TRAPPC8: variants seen among roughly 807,000 people sequenced by gnomAD.
TRAPPC8 encodes trafficking protein particle complex subunit 8, also known as general sporulation gene 1 homolog.
TRAPPC8 carries 54 observed loss-of-function variants against 174.3 expected under a neutral mutation model. The ratio of observed to expected loss-of-function variants is 0.31; its 90% CI spans 0.25 to 0.39. The LOEUF is 0.39. Among genes scored for constraint, TRAPPC8 ranks in the 10% least tolerant of loss-of-function variants. The pLI, the probability that TRAPPC8 is intolerant of heterozygous loss-of-function variation, is 1.00. For synonymous variants in TRAPPC8, 630 were observed against 579.9 expected (o/e 1.09, Z -1.24); for missense variants, 1,531 against 1,699.1 (o/e 0.90, Z 1.74).
intron 6 of TRAPPC8, chr18:31,909,428 C>T (rs2036813075): frequency 7.8e-6 from 3 of 384,926 alleles, no homozygotes; most frequent in Non-Finnish European, 7.1e-6. Flanking sequence ...CACATCTTCC[C>T]TTGCTTTCTA....
chr18:31,912,216 C>G (rs927601223), intron 5 of TRAPPC8, among the ~76,000 whole-genome samples: 1 of 152,164 alleles, frequency 6.6e-6, no homozygotes, highest in Non-Finnish European at 1.5e-5. Context: ...AGAGGCTGGG[C>G]ATGATGGCTC....
rs147316680 is a variant in TRAPPC8 at position 31,853,913 on chromosome 18, C to A, written c.3369G>T (p.Val1123=). 292 of 1,611,054 alleles carry A rather than the reference C, an allele frequency of 1.8e-4. 2 individuals are homozygous for A. In the East Asian group the frequency reaches 6.5e-3, roughly 36 times the overall value. The change falls in exon 22 of 29, where the codon GTG becomes GTT. Residue 1123 remains valine (V), a synonymous_variant. Transcript: ENST00000283351. ...SEAGVKEFHI[V]QVSSSSKHWK... ...AGTGTTTGCTACTACTTGATACTTGCACTATGTGGAATTCCTTAACGCCTG... is the reference window on the plus strand; with the variant it reads ...AGTGTTTGCTACTACTTGATACTTGAACTATGTGGAATTCCTTAACGCCTG...
rs1185517942 is a variant in TRAPPC8 at position 31,916,524 on chromosome 18, T to A, written c.443-78A>T. 5.9e-6 allele frequency: 8 copies of A among 1,353,996 alleles called. No individual in the cohort carries two copies. In the African/African-American group the frequency reaches 1.1e-4, roughly 18 times the overall value. The allele number at this position is 1,353,996 out of a possible 1,614,324, so 83.9% of individuals were successfully genotyped here. A position where few individuals can be genotyped will look rare whatever the true frequency, so the allele number is the denominator to read the frequency against. ...TTGTCCTACTGAGATAAACAGGAGG[T>A]TTTTGTTTGTTTGTTTGTTTGTTTC... On this transcript the variant is annotated intron_variant, in intron 3 of 28. Transcript: ENST00000283351.
At chr18:31,927,028 G>A (rs2037645488) in intron 2 of TRAPPC8, among the ~76,000 whole-genome samples, 1 of 152,146 alleles carries the variant, frequency 6.6e-6, no homozygotes, top group Non-Finnish European at 1.5e-5. Context: ...TACAGAAATT[G>A]GTGGGGCAAG....
At chr18:31,878,050 C>T (rs1347907853) in intron 12 of TRAPPC8, among the ~76,000 whole-genome samples, 2 of 152,112 alleles carry the variant, frequency 1.3e-5, no homozygotes, top group Admixed American at 1.3e-4. Flanking sequence ...GCTGTTTACT[C>T]TGTACTAGAG....
chr18:31,923,162 G>C (rs139421420), intron 2 of TRAPPC8, among the ~76,000 whole-genome samples: 131 of 152,212 alleles, frequency 8.6e-4, no homozygotes, highest in African/African-American at 3.0e-3. Flanking sequence ...AATGCTGTAA[G>C]AGTAAACAGG....
intron 12 of TRAPPC8, among the ~76,000 whole-genome samples, chr18:31,876,489 C>CAGAAAA (rs2035152794): frequency 4.1e-5 from 2 of 48,722 alleles, no homozygotes; most frequent in African/African-American, 1.9e-4. Context: ...GACTCCATCT[C>CAGAAAA]AAAAAAAAAA....
intron 4 of TRAPPC8, among the ~76,000 whole-genome samples, chr18:31,913,922 T>A (rs2037023919): frequency 6.6e-6 from 1 of 151,958 alleles, no homozygotes. Flanking sequence ...TCCCAGCACT[T>A]TGGAAGGCCA....
At chr18:31,864,510 T>C in intron 19 of TRAPPC8, 117 bp downstream of exon 19, 1 of 953,330 alleles carries the variant, frequency 1.0e-6, no homozygotes, top group East Asian at 2.9e-5. Flanking sequence ...AGCTTAATAA[T>C]AATTTAAAAG....
At chr18:31,923,700 T>TA (rs887845491) in intron 2 of TRAPPC8, among the ~76,000 whole-genome samples, 2 of 145,314 alleles carry the variant, frequency 1.4e-5, no homozygotes, top group African/African-American at 5.1e-5. Context: ...ATGGCCAACA[T>TA]AAAAATAAAG....
intron 9 of TRAPPC8, 92 bp downstream of exon 9, chr18:31,907,368 T>G: frequency 7.7e-7 from 1 of 1,292,734 alleles, no homozygotes; most frequent in Non-Finnish European, 1.1e-6. Flanking sequence ...GAGTACAACT[T>G]TATCCCTAAG....
At position 31,907,688 on chromosome 18, in the gene TRAPPC8, C is replaced by A. The variant is rs749509608; in HGVS notation, c.1239-78G>T. On this transcript the variant is annotated intron_variant, in intron 8 of 28. Coordinates refer to ENST00000283351, the MANE Select transcript of TRAPPC8 (RefSeq NM_014939.5). Reference sequence around the variant, plus strand: ...AATTATAAAATACATTAACAAGCTGCCATGTTCTTCTAGAATATGAAGAAA... The same window carrying A: ...AATTATAAAATACATTAACAAGCTGACATGTTCTTCTAGAATATGAAGAAA... The A allele has an allele frequency of 2.8e-4, 342 of 1,220,268 alleles. 1 individual carries two copies. The highest frequency in any genetic ancestry group is 3.7e-4 in the Non-Finnish European group (338 of 916,332). The allele number at this position is 1,220,268 out of a possible 1,614,324, so 75.6% of individuals were successfully genotyped here.
intron 27 of TRAPPC8, among the ~76,000 whole-genome samples, chr18:31,834,088 G>GGTTGTTGTTGTT (rs35486513): frequency 3.2e-4 from 47 of 148,936 alleles, no homozygotes; most frequent in African/African-American, 1.1e-3. Flanking sequence ...ATCACATTTT[G>GGTTGTTGTTGTT]GTTGTTGTTG....
At chr18:31,870,537 T>TA in intron 15 of TRAPPC8, 35 bp from the exon 16 acceptor site, 1 of 1,590,716 alleles carries the variant, frequency 6.3e-7, no homozygotes, top group Non-Finnish European at 8.6e-7. Context: ...ATAACTTTAA[T>TA]AAACATCACA....
Position 31,839,462 on chromosome 18 carries a change from G to C in TRAPPC8, c.3838-5C>G. ...TAGTTCCATTTCTGGTGGCTCCTGA[G>C]AAAAGAAAGAAAAAACATATGACAA... On this transcript the variant is annotated splice_polypyrimidine_tract_variant and splice_region_variant and intron_variant, in intron 26 of 28. Transcript: ENST00000283351. 2.0e-6 allele frequency: 3 copies of C among 1,523,712 alleles called. No individual in the cohort carries two copies. The highest frequency in any genetic ancestry group is 2.6e-6 in the Non-Finnish European group (3 of 1,141,660). The allele number at this position is 1,523,712 out of a possible 1,614,324, so 94.4% of individuals were successfully genotyped here.
chr18:31,887,843 T>C (rs1802535392), intron 12 of TRAPPC8, among the ~76,000 whole-genome samples: 1 of 152,044 alleles, frequency 6.6e-6, no homozygotes, highest in African/African-American at 2.4e-5. Flanking sequence ...TTGGACGTTC[T>C]GGCCAGGGCA....
At chr18:31,888,403 C>T (rs1482564899) in intron 12 of TRAPPC8, among the ~76,000 whole-genome samples, 1 of 152,108 alleles carries the variant, frequency 6.6e-6, no homozygotes, top group East Asian at 1.9e-4. Context: ...CATGGTGATG[C>T]ATGCCTGTAA....
At chr18:31,866,671 C>T (rs971794242) in intron 18 of TRAPPC8, among the ~76,000 whole-genome samples, 178 bp downstream of exon 18, 2 of 152,206 alleles carry the variant, frequency 1.3e-5, no homozygotes, top group South Asian at 2.1e-4. Flanking sequence ...TTACTTTTGA[C>T]GCTAGAGATG....
intron 2 of TRAPPC8, among the ~76,000 whole-genome samples, chr18:31,931,004 T>C (rs1163914581): frequency 2.0e-5 from 3 of 152,198 alleles, no homozygotes; most frequent in African/African-American, 2.4e-5. Flanking sequence ...AAACATTTCC[T>C]CCACTTAACA....
Sources: gnomAD v4.1 joint callset for allele counts (sites outside exome capture counted in the v4.1 genomes callset) on GRCh38, gnomAD v4.1.1 for gene constraint, MANE v1.5 for transcripts, NCBI Gene and HGNC (gene_info 2026-07-23, HGNC 2026-07-21) for gene names.